CTNNA3: variants seen among roughly 807,000 people sequenced by gnomAD.
CTNNA3 encodes the protein catenin alpha-3.
Under a neutral mutation model 95.7 loss-of-function variants are expected in CTNNA3, and 76 were observed. That is an observed-to-expected ratio of 0.79 (90% CI 0.66 to 0.96). CTNNA3 has a LOEUF of 0.96. CTNNA3 is among the 40% of genes least tolerant of loss of function. The pLI is 0.00. For missense variants in CTNNA3, 1,191 were observed against 1,089.8 expected, an observed-to-expected ratio of 1.09 and a Z score of -1.31; for synonymous variants, 431 against 374.4, an observed-to-expected ratio of 1.15 and a Z score of -1.74.
At chr10:66,012,593 T>A (rs2079025806) in intron 15 of CTNNA3, among the ~76,000 whole-genome samples, 1 of 152,186 alleles carries the variant, frequency 6.6e-6, no homozygotes, top group Non-Finnish European at 1.5e-5. Context: ...AGAGTGGGCA[T>A]GAATCATGAT....
chr10:67,107,723 GGT>G (rs1383239197), intron 7 of CTNNA3, among the ~76,000 whole-genome samples: 1 of 147,106 alleles, frequency 6.8e-6, no homozygotes, highest in Non-Finnish European at 1.5e-5. Flanking sequence ...AAATCATTTA[GGT>G]GATAGTGAGA....
intron 5 of CTNNA3, among the ~76,000 whole-genome samples, chr10:67,342,010 C>G (rs1223496639): frequency 4.7e-5 from 1 of 21,346 alleles, no homozygotes; most frequent in Non-Finnish European, 2.0e-4. Flanking sequence ...CCTCAAACTC[C>G]ATCTATTCTA....
At chr10:66,172,631 G>T (rs1157283278) in intron 13 of CTNNA3, among the ~76,000 whole-genome samples, 1 of 152,026 alleles carries the variant, frequency 6.6e-6, no homozygotes, top group African/African-American at 2.4e-5. Flanking sequence ...ATGATAAATT[G>T]ATGGTATTTC....
chr10:66,227,131 C>T (rs1303210523), intron 13 of CTNNA3, among the ~76,000 whole-genome samples: 1 of 152,120 alleles, frequency 6.6e-6, no homozygotes, highest in Non-Finnish European at 1.5e-5. Context: ...TCCTGAGTAG[C>T]TGGGACTACA....
chr10:67,455,045 A>T (rs1184001931), intron 5 of CTNNA3, among the ~76,000 whole-genome samples: 5 of 152,310 alleles, frequency 3.3e-5, no homozygotes, highest in African/African-American at 1.2e-4. Context: ...TTTAAGAAAG[A>T]ATTTCTTCAT....
chr10:66,920,654 C>A (rs1433884298), intron 7 of CTNNA3, among the ~76,000 whole-genome samples: 1 of 152,068 alleles, frequency 6.6e-6, no homozygotes, highest in Non-Finnish European at 1.5e-5. Context: ...TTTTCAAGAA[C>A]TAAAGTCTCA....
chr10:66,889,678 A>T (rs1343333487), intron 7 of CTNNA3, among the ~76,000 whole-genome samples: 2 of 152,198 alleles, frequency 1.3e-5, no homozygotes, highest in African/African-American at 4.8e-5. Flanking sequence ...TTTATGATGC[A>T]TAAGGTATGA....
intron 7 of CTNNA3, among the ~76,000 whole-genome samples, chr10:67,096,283 A>G (rs1293668895): frequency 1.3e-5 from 2 of 151,894 alleles, no homozygotes; most frequent in South Asian, 2.1e-4. Flanking sequence ...GTAGAAATAC[A>G]TGTAAGTAGA....
At chr10:67,068,053 TGCCG>T (rs1856200065) in intron 7 of CTNNA3, among the ~76,000 whole-genome samples, 1 of 152,196 alleles carries the variant, frequency 6.6e-6, no homozygotes, top group African/African-American at 2.4e-5. Context: ...GAGAAATAAA[TGCCG>T]GGTTCATTGT....
At chr10:67,647,146 T>TTTTATATA (rs1839737690) in intron 2 of CTNNA3, among the ~76,000 whole-genome samples, 1 of 136,480 alleles carries the variant, frequency 7.3e-6, no homozygotes, top group African/African-American at 2.6e-5. Flanking sequence ...ACTCTGAAAA[T>TTTTATATA]TATATATATA....
chr10:66,516,769 A>G (rs534278787), intron 11 of CTNNA3, among the ~76,000 whole-genome samples: 1 of 152,324 alleles, frequency 6.6e-6, no homozygotes, highest in African/African-American at 2.4e-5. Context: ...AGAGAAACTG[A>G]TGAAAATCAT....
intron 15 of CTNNA3, among the ~76,000 whole-genome samples, chr10:66,058,413 C>T (rs1049400340): frequency 6.6e-6 from 1 of 152,262 alleles, no homozygotes; most frequent in African/African-American, 2.4e-5. Context: ...AACCCCACCT[C>T]CCAACCTAGT....
At chr10:66,979,943 T>C (rs753229593) in intron 7 of CTNNA3, among the ~76,000 whole-genome samples, 2 of 152,220 alleles carry the variant, frequency 1.3e-5, no homozygotes, top group Non-Finnish European at 2.9e-5. Context: ...TCAAGTACTG[T>C]TGGAACACCA....
At chr10:66,627,754 A>G (rs1844989620) in intron 9 of CTNNA3, among the ~76,000 whole-genome samples, 1 of 152,194 alleles carries the variant, frequency 6.6e-6, no homozygotes, top group African/African-American at 2.4e-5. Context: ...CTGCACATAC[A>G]GATAAGTGTC....
intron 3 of CTNNA3, among the ~76,000 whole-genome samples, chr10:67,580,797 G>C (rs1423639131): frequency 3.3e-5 from 5 of 152,170 alleles, no homozygotes; most frequent in Non-Finnish European, 4.4e-5. Flanking sequence ...TGGATTCCTA[G>C]GTATTTTATT....
intron 7 of CTNNA3, among the ~76,000 whole-genome samples, chr10:67,070,443 G>T (rs768993141): frequency 6.6e-6 from 1 of 151,902 alleles, no homozygotes; most frequent in Non-Finnish European, 1.5e-5. Flanking sequence ...TTTTATGTTT[G>T]TGTCCCGATT....
At chr10:65,996,306 C>A (rs759084847) in intron 15 of CTNNA3, among the ~76,000 whole-genome samples, 1 of 152,146 alleles carries the variant, frequency 6.6e-6, no homozygotes, top group South Asian at 2.1e-4. Context: ...CTTTGGCTCC[C>A]TTTGTCCCAG....
At position 66,318,156 on chromosome 10, in the gene CTNNA3, T is replaced by C. The variant is rs74141440; in HGVS notation, c.1733-37535A>G. Among the ~76,000 whole-genome samples the C allele has an allele frequency of 8.9e-3, 1,350 of 151,954 alleles. 14 individuals are homozygous for C. The highest frequency in any genetic ancestry group is 0.026 in the African/African-American group (1,085 of 41,502). On this transcript the variant is annotated intron_variant, in intron 12 of 17. Transcript: ENST00000433211. The stretch of plus-strand genomic sequence containing the variant: ...TTGCTTTGCAGCTGGCCCAGTGGGA[T>C]AGCAGGGTTTTTATCTTGCCCTTTG...
intron 5 of CTNNA3, among the ~76,000 whole-genome samples, chr10:67,433,578 G>A (rs1473462059): frequency 6.6e-6 from 1 of 151,844 alleles, no homozygotes; most frequent in African/African-American, 2.4e-5. Flanking sequence ...ATAAAACGAG[G>A]TATGCCTGTG....
Sources: allele counts gnomAD v4.1 joint callset (sites outside exome capture counted in the v4.1 genomes callset), GRCh38; gene constraint gnomAD v4.1.1; transcripts MANE v1.5; gene names NCBI Gene and HGNC (gene_info 2026-07-23, HGNC 2026-07-21).